Variants in RGL3 observed in about 807,000 individuals in gnomAD.
RGL3 encodes ral guanine nucleotide dissociation stimulator-like 3.
Under a neutral mutation model 90.6 loss-of-function variants are expected in RGL3, and 85 were observed. That is an observed-to-expected ratio of 0.94 (90% CI 0.79 to 1.12). The LOEUF is 1.12. Among genes scored for constraint, RGL3 ranks in the 50% most tolerant of loss-of-function variants. RGL3 has a pLI of 0.00. For synonymous variants in RGL3, 408 were observed against 385.5 expected (o/e 1.06, Z -0.68); for missense variants, 1,034 against 939.2 (o/e 1.10, Z -1.32).
intron 4 of RGL3, 54 bp downstream of exon 4, chr19:11,416,560 T>C (rs898210520): frequency 7.7e-6 from 12 of 1,557,614 alleles, no homozygotes; most frequent in Non-Finnish European, 1.1e-5. Context: ...ACTGCTAACC[T>C]TTGACCTCTT....
At chr19:11,400,171 T>C in intron 14 of RGL3, 31 bp downstream of exon 14, 1 of 1,566,402 alleles carries the variant, frequency 6.4e-7, no homozygotes, top group Non-Finnish European at 8.7e-7. Flanking sequence ...TCTGCCCACA[T>C]CACCGCCCCT....
At chr19:11,409,876 C>T (rs1968844059) in intron 5 of RGL3, among the ~76,000 whole-genome samples, 1 of 152,146 alleles carries the variant, frequency 6.6e-6, no homozygotes, top group African/African-American at 2.4e-5. Flanking sequence ...TGGTTTATTG[C>T]TGTGTAAGTT....
At chr19:11,401,690 C>G (rs554157665) in intron 13 of RGL3, among the ~76,000 whole-genome samples, 1 of 151,838 alleles carries the variant, frequency 6.6e-6, no homozygotes, top group South Asian at 2.1e-4. Flanking sequence ...TGTGAGCCAC[C>G]GTGCCCAGCC....
intron 18 of RGL3, among the ~76,000 whole-genome samples, chr19:11,396,137 T>C (rs1265369813): frequency 2.3e-5 from 1 of 42,826 alleles, no homozygotes; most frequent in Non-Finnish European, 4.5e-5. Context: ...TCTCTCTCTC[T>C]ATATATATAT....
rs1969009532 is a variant in RGL3 at position 11,416,854 on chromosome 19, GGCATTGGT to G, written c.345_352del (p.Pro116ThrfsTer66). The stretch of plus-strand genomic sequence containing the variant: ...TACTGACCCGGGAGGTGGGGGCGGT[GGCATTGGT>G]GGCAGCAGAAAGCCCAGCAGGCAGG... On this transcript the variant is annotated frameshift_variant, in exon 3 of 19. Coordinates refer to ENST00000380456, the MANE Select transcript of RGL3 (RefSeq NM_001035223.4). LOFTEE classifies it high-confidence loss of function. The G allele has an allele frequency of 7.4e-6, 12 of 1,613,784 alleles. No individual in the cohort carries two copies. Among genetic ancestry groups the G allele is most frequent in the Non-Finnish European group, 1.0e-5 (12 of 1,179,908 alleles).
At position 11,406,821 on chromosome 19, in the gene RGL3, C is replaced by T; in HGVS notation, c.681G>A (p.Glu227=). 1.3e-6 allele frequency: 2 copies of T among 1,591,060 alleles called. No individual in the cohort carries two copies. Among genetic ancestry groups the T allele is most frequent in the Non-Finnish European group, 1.7e-6 (2 of 1,159,810 alleles). The change falls in exon 6 of 19, where the codon GAG becomes GAA. Residue 227 remains glutamate (E), a synonymous_variant. Transcript: ENST00000380456. ...VAQTSDPDSS[E]ACAEEEEGLM... is the part of the protein sequence containing the mutation. ...GCCCTTCCTCTTCCTCCGCGCAGGC[C>T]TCTGAAGAGTCTGGGTCAGAAGTTT... is the stretch of plus-strand genomic sequence containing the variant.
chr19:11,398,186 A>G (rs1388801930), intron 16 of RGL3, among the ~76,000 whole-genome samples: 1 of 152,176 alleles, frequency 6.6e-6, no homozygotes, highest in East Asian at 1.9e-4. Flanking sequence ...AACAGTGTCC[A>G]TATACACACA....
chr19:11,403,708 A>AT (rs1394987084), intron 9 of RGL3, among the ~76,000 whole-genome samples: 1 of 147,746 alleles, frequency 6.8e-6, no homozygotes, highest in Non-Finnish European at 1.5e-5. Context: ...ACCACCTTGG[A>AT]TGAGGGTAGG....
chr19:11,415,017 C>T (rs189011532), intron 5 of RGL3, among the ~76,000 whole-genome samples: 7 of 151,932 alleles, frequency 4.6e-5, no homozygotes, highest in Admixed American at 1.3e-4. Flanking sequence ...GTGGTCCCAG[C>T]TACTCAGGAG....
chr19:11,415,558 C>A (rs1192068518), intron 5 of RGL3, among the ~76,000 whole-genome samples: 1 of 152,122 alleles, frequency 6.6e-6, no homozygotes, highest in East Asian at 1.9e-4. Flanking sequence ...TCACCGCAAC[C>A]TCCGCCTCCC....
At chr19:11,396,136 C>CTCTATATATA (rs1367805487) in intron 18 of RGL3, among the ~76,000 whole-genome samples, 1 of 17,904 alleles carries the variant, frequency 5.6e-5, no homozygotes, top group Non-Finnish European at 1.0e-4. Context: ...CTCTCTCTCT[C>CTCTATATATA]TATATATATA....
At chr19:11,397,666 A>G (rs1048267194) in intron 16 of RGL3, 69 bp from the exon 17 acceptor site, 4 of 1,414,822 alleles carry the variant, frequency 2.8e-6, no homozygotes, top group South Asian at 2.8e-5. Context: ...GAAAAGCACG[A>G]ACACCCCAGC....
Position 11,416,843 on chromosome 19 carries a change from G to A in RGL3, c.364C>T (p.Pro122Ser). Reference sequence around the variant, plus strand: ...TTATGGTTCGCTACTGACCCGGGAGGTGGGGGCGGTGGCATTGGTGGCAGC... The same window carrying A: ...TTATGGTTCGCTACTGACCCGGGAGATGGGGGCGGTGGCATTGGTGGCAGC... ...FLLPPMPPPP[P>S]PGVEIKKTAV... Residue 122 changes from proline to serine, a missense_variant, in exon 3 of 19, where the codon CCT (proline) becomes TCT (serine). By Grantham distance (74) the Pro-to-Ser change is moderately conservative (BLOSUM62 -1). Coordinates refer to ENST00000380456, the MANE Select transcript of RGL3 (RefSeq NM_001035223.4). The A allele has an allele frequency of 6.2e-7, 1 of 1,613,692 alleles. No homozygotes were observed. Among genetic ancestry groups the A allele is most frequent in the Non-Finnish European group, 8.5e-7 (1 of 1,179,784 alleles).
intron 5 of RGL3, among the ~76,000 whole-genome samples, chr19:11,411,018 G>A (rs974451318): frequency 2.6e-5 from 4 of 151,844 alleles, no homozygotes; most frequent in African/African-American, 9.7e-5. Context: ...AGACCAGCCT[G>A]GCCAACATGG....
chr19:11,397,627 C>T, intron 16 of RGL3, 30 bp from the exon 17 acceptor site: 1 of 1,497,234 alleles, frequency 6.7e-7, no homozygotes. Flanking sequence ...GAGGCTACAG[C>T]TTGGCCCATC....
chr19:11,400,057 GGGGTCCCCGGGA>G lies in RGL3; in HGVS notation c.1620_1631del (p.Pro541_Pro544del). The G allele has an allele frequency of 6.2e-7, 1 of 1,608,082 alleles. No homozygotes were observed. The highest frequency in any genetic ancestry group is 8.5e-7 in the Non-Finnish European group (1 of 1,178,098). On this transcript the variant is annotated inframe_deletion, in exon 15 of 19. Transcript: ENST00000380456. Reference sequence around the variant, plus strand: ...ATGCTCACCTGGAGGTGGGGGATGAGGGGTCCCCGGGACTCCCACTAGGTGATGAGCTTTTCT... The same window carrying G: ...ATGCTCACCTGGAGGTGGGGGATGAGCTCCCACTAGGTGATGAGCTTTTCT...
chr19:11,416,625 G>A lies in RGL3; in HGVS notation c.414C>T (p.Asn138=). The A allele has an allele frequency of 6.2e-7, 1 of 1,614,086 alleles. No individual in the cohort carries two copies. Among genetic ancestry groups the A allele is most frequent in the Middle Eastern group, 1.6e-4 (1 of 6,062 alleles). ...KKTAVQDLSF[N]KNLRAVVSVL... ...GATGAAGGACCCACCTCAGGTTCTT[G>A]TTGAAGCTCAGATCTTGTACCGCTG... Residue 138 remains asparagine, a synonymous_variant, in exon 4 of 19, where the codon AAC becomes AAT. Coordinates refer to ENST00000380456, the MANE Select transcript of RGL3 (RefSeq NM_001035223.4).
rs374486219 is a variant in RGL3 at position 11,402,736 on chromosome 19, T to C, written c.1186-30A>G. On this transcript the variant is annotated intron_variant, in intron 9 of 18. Coordinates refer to ENST00000380456, the MANE Select transcript of RGL3 (RefSeq NM_001035223.4). ...GGGAAGAGAAAAACTGAGCCAGGTC[T>C]GGGGTCTCCTTGGACAATTCCTCAG... The C allele has an allele frequency of 4.4e-6, 7 of 1,599,400 alleles. No individual in the cohort carries two copies. In the African/African-American group the frequency reaches 5.4e-5, roughly 12 times the overall value.
chr19:11,400,630 T>C (rs1481358851), intron 13 of RGL3, among the ~76,000 whole-genome samples: 2 of 151,688 alleles, frequency 1.3e-5, no homozygotes, highest in Admixed American at 6.6e-5. Context: ...GGCGAGAGGA[T>C]TGCTTCGGGT....
Sources: allele counts gnomAD v4.1 joint callset (sites outside exome capture counted in the v4.1 genomes callset), GRCh38; gene constraint gnomAD v4.1.1; transcripts MANE v1.5; gene names NCBI Gene and HGNC (gene_info 2026-07-23, HGNC 2026-07-21).